The following DLGAP1 variants were observed in gnomAD, a reference collection of about 807,000 sequenced individuals.
The protein encoded by DLGAP1 is disks large-associated protein 1.
Under a neutral mutation model 90.8 loss-of-function variants are expected in DLGAP1, and 11 were observed. The observed-to-expected ratio is 0.12, with a 90% CI of 0.08 to 0.20. DLGAP1 has a LOEUF of 0.20. Among genes scored for constraint, DLGAP1 ranks in the 10% least tolerant of loss-of-function variants. DLGAP1 has a pLI of 1.00. For synonymous variants in DLGAP1, 558 were observed against 540.7 expected (o/e 1.03, Z -0.44); for missense variants, 1,050 against 1,333.8 (o/e 0.79, Z 3.31).
At chr18:4,030,955 GC>G (rs529176256) in intron 2 of DLGAP1, among the ~76,000 whole-genome samples, 47 of 152,064 alleles carry the variant, frequency 3.1e-4, no homozygotes, top group Non-Finnish European at 5.3e-4. Flanking sequence ...ACTACTGCAA[GC>G]TTTTCACAAA....
Position 3,600,650 on chromosome 18 carries a change from A to ATATAGATATCTATAGAGATC in DLGAP1, c.1592-18422_1592-18403dup, listed in dbSNP as rs568326103. Among the ~76,000 whole-genome samples, 345 of 145,796 alleles carry ATATAGATATCTATAGAGATC rather than the reference A, an allele frequency of 2.4e-3. 32 individuals are homozygous for ATATAGATATCTATAGAGATC. The highest frequency in any genetic ancestry group is 4.2e-3 in the Non-Finnish European group (277 of 66,404). ...TGTCTATATACATTACAGAATGGAG[A>ATATAGATATCTATAGAGATC]TATAGATATCTATAGAGATCTATAG... On this transcript the variant is annotated intron_variant, in intron 7 of 12. Transcript: ENST00000315677.
At chr18:4,133,562 A>C (rs915299706) in intron 2 of DLGAP1, among the ~76,000 whole-genome samples, 2 of 152,134 alleles carry the variant, frequency 1.3e-5, no homozygotes, top group African/African-American at 4.8e-5. Flanking sequence ...GTATTATGCC[A>C]CAGTGGCTAA....
rs138930913 is a variant in DLGAP1, at chr18:3,823,652, T to C, written c.958-9379A>G. Among the ~76,000 whole-genome samples, 518 of 152,242 alleles carry C rather than the reference T, an allele frequency of 3.4e-3. 3 individuals carry two copies. Among genetic ancestry groups the C allele is most frequent in the African/African-American group, 0.011 (448 of 41,550 alleles). ...TAAGTTGCTGAGAGATACAATCCCA[T>C]AGCATTTTGGAACTTGTAACAAGTA... On this transcript the variant is annotated intron_variant, in intron 4 of 12. Transcript: ENST00000315677.
chr18:3,972,862 A>T lies in DLGAP1; in HGVS notation c.-73+32254T>A, dbSNP rs540103066. ...CCTATCCCTAGCCTGAAGCCAAAAGACTTTCTTTTCTGTTCCCCAATCTGT... is the reference window on the plus strand; with the variant it reads ...CCTATCCCTAGCCTGAAGCCAAAAGTCTTTCTTTTCTGTTCCCCAATCTGT... On this transcript the variant is annotated intron_variant, in intron 3 of 12. Transcript: ENST00000315677. Among the ~76,000 whole-genome samples the T allele has an allele frequency of 2.6e-5, 4 of 152,276 alleles. No homozygotes were observed. The South Asian group carries it at 6.2e-4, about 24-fold the overall frequency.
At chr18:4,306,420 A>G (rs1036182092) in intron 1 of DLGAP1, among the ~76,000 whole-genome samples, 1 of 130,234 alleles carries the variant, frequency 7.7e-6, no homozygotes, top group African/African-American at 2.9e-5. Context: ...AAAAAGAGAA[A>G]GTAAGAGTGT....
intron 5 of DLGAP1, among the ~76,000 whole-genome samples, chr18:3,761,066 C>T (rs573148229): frequency 5.3e-5 from 8 of 152,296 alleles, no homozygotes; most frequent in Admixed American, 1.3e-4. Flanking sequence ...TCGTGCTCCC[C>T]CTTCATTGTG....
At chr18:4,016,897 C>T (rs1008048910) in intron 2 of DLGAP1, among the ~76,000 whole-genome samples, 1 of 152,164 alleles carries the variant, frequency 6.6e-6, no homozygotes, top group Admixed American at 6.5e-5. Flanking sequence ...AAGTCATATC[C>T]AGCTTGCAGA....
intron 1 of DLGAP1, among the ~76,000 whole-genome samples, chr18:4,163,548 C>A (rs1022151665): frequency 7.2e-5 from 11 of 152,154 alleles, no homozygotes; most frequent in African/African-American, 2.7e-4. Flanking sequence ...ACAATGGGCA[C>A]AGATCTGTAG....
In DLGAP1 at chr18:4,342,779, C is replaced by A. The variant is rs1054737374; in HGVS notation, c.-267+112227G>T. ...TAAAAGACACTGGAAATAAACCCCCCAAAATGAAGAATATTTAATAGACAG... is the reference window on the plus strand; with the variant it reads ...TAAAAGACACTGGAAATAAACCCCCAAAAATGAAGAATATTTAATAGACAG... On this transcript the variant is annotated intron_variant, in intron 1 of 12. Transcript: ENST00000315677. The surrounding 1 kb of genome is among the most constrained non-coding windows in gnomAD (Gnocchi z 5.8). 2.0e-5 allele frequency among the ~76,000 whole-genome samples: 3 copies of A among 152,096 alleles called. No individual in the cohort carries two copies. Among genetic ancestry groups the A allele is most frequent in the Non-Finnish European group, 4.4e-5 (3 of 68,012 alleles).
chr18:3,910,693 C>T (rs536929423), intron 3 of DLGAP1, among the ~76,000 whole-genome samples: 3 of 152,082 alleles, frequency 2.0e-5, no homozygotes, highest in African/African-American at 4.8e-5. Context: ...TTGCGGTGTC[C>T]GGGGGAAGTT....
intron 1 of DLGAP1, among the ~76,000 whole-genome samples, chr18:4,176,815 A>T (rs565693027): frequency 6.6e-6 from 1 of 152,346 alleles, no homozygotes; most frequent in South Asian, 2.1e-4. Flanking sequence ...GAAGGAATGG[A>T]GCGGATGCCA....
At chr18:3,981,343 T>C (rs1192894875) in intron 3 of DLGAP1, among the ~76,000 whole-genome samples, 1 of 152,212 alleles carries the variant, frequency 6.6e-6, no homozygotes, top group Non-Finnish European at 1.5e-5. Flanking sequence ...ACACGTGAAG[T>C]AGGAGTATCT....
intron 1 of DLGAP1, among the ~76,000 whole-genome samples, chr18:4,269,353 TA>T (rs1237813905): frequency 0.029 from 3,106 of 107,478 alleles, 52 homozygotes; most frequent in African/African-American, 0.067. Context: ...TATATATATA[TA>T]TTTTTTTTTT....
At chr18:3,543,915 A>G (rs983345810) in intron 9 of DLGAP1, among the ~76,000 whole-genome samples, 7 of 152,230 alleles carry the variant, frequency 4.6e-5, no homozygotes, top group African/African-American at 7.2e-5. Flanking sequence ...CACGGGTCCC[A>G]ATAGCATATT....
At chr18:3,925,340 A>G (rs935118) in intron 3 of DLGAP1, among the ~76,000 whole-genome samples, 85,547 of 150,266 alleles carry the variant, frequency 0.57, 24,360 homozygotes, top group African/African-American at 0.62. Context: ...TGCAAATAGG[A>G]CAGTTGTATT....
At chr18:3,627,870 C>T (rs1226846114) in intron 7 of DLGAP1, among the ~76,000 whole-genome samples, 8 of 137,710 alleles carry the variant, frequency 5.8e-5, no homozygotes, top group African/African-American at 2.2e-4. Flanking sequence ...CTCCCTCCTT[C>T]CTTCCTTTTT....
At chr18:3,688,592 T>C (rs1361602299) in intron 7 of DLGAP1, among the ~76,000 whole-genome samples, 1 of 149,706 alleles carries the variant, frequency 6.7e-6, no homozygotes, top group African/African-American at 2.5e-5. Context: ...CAGTTTAAGA[T>C]ATATTCTAGG....
At chr18:3,501,214 A>G (rs7232235) in intron 12 of DLGAP1, among the ~76,000 whole-genome samples, 36,692 of 146,506 alleles carry the variant, frequency 0.25, 9,322 homozygotes, top group African/African-American at 0.65. Flanking sequence ...CACCATGCCC[A>G]GCCAACAATG....
chr18:3,897,949 C>T (rs947267637), intron 3 of DLGAP1, among the ~76,000 whole-genome samples: 18 of 151,540 alleles, frequency 1.2e-4, no homozygotes, highest in South Asian at 6.3e-4. Flanking sequence ...CGCCCGCCAC[C>T]GCGCCCGGCT....
Sources: allele counts gnomAD v4.1 joint callset (sites outside exome capture counted in the v4.1 genomes callset), GRCh38; gene constraint gnomAD v4.1.1; non-coding constraint Gnocchi (gnomAD v3.1); transcripts MANE v1.5; gene names NCBI Gene and HGNC (gene_info 2026-07-23, HGNC 2026-07-21).